GSS: variants seen among roughly 807,000 people sequenced by gnomAD.
GSS encodes the protein GSH synthetase.
In GSS, 34 loss-of-function variants were observed where a neutral mutation model predicts 60.4. The ratio of observed to expected loss-of-function variants is 0.56; its 90% CI spans 0.43 to 0.75. The LOEUF is 0.75. GSS is among the 30% of genes least tolerant of loss of function. The pLI is 0.00. For synonymous variants in GSS, 224 were observed against 239.0 expected (o/e 0.94, Z 0.58); for missense variants, 499 against 595.1 (o/e 0.84, Z 1.68).
intron 6 of GSS, 25 bp from the exon 7 acceptor site, chr20:34,937,048 G>A (rs41303799): frequency 7.9e-4 from 1,222 of 1,554,832 alleles, no homozygotes; most frequent in Non-Finnish European, 1.0e-3. Flanking sequence ...CAGGTGGCCC[G>A]AGGCTACTAT....
At chr20:34,935,770 T>TC (rs1405979058) in intron 8 of GSS, 128 bp from the exon 9 acceptor site, 1 of 718,216 alleles carries the variant, frequency 1.4e-6, no homozygotes, top group Admixed American at 2.0e-5. Context: ...GGGAGCCTGG[T>TC]CAGGGGTTCA....
Position 34,944,989 on chromosome 20 carries a change from T to C in GSS, c.275+964A>G, listed in dbSNP as rs868443427. On this transcript the variant is annotated intron_variant, in intron 3 of 12. Coordinates refer to ENST00000651619, the MANE Select transcript of GSS (RefSeq NM_000178.4). ...CATAATATTTCTAGATATTTAATTCTACAATGAATATATATACATATATAT... is the reference window on the plus strand; with the variant it reads ...CATAATATTTCTAGATATTTAATTCCACAATGAATATATATACATATATAT... Among the ~76,000 whole-genome samples the C allele has an allele frequency of 9.2e-5, 14 of 152,038 alleles. 1 individual carries two copies. Among genetic ancestry groups the C allele is most frequent in the African/African-American group, 3.1e-4 (13 of 41,500 alleles).
intron 6 of GSS, among the ~76,000 whole-genome samples, chr20:34,937,836 G>C (rs1490919983): frequency 6.6e-6 from 1 of 152,088 alleles, no homozygotes. Flanking sequence ...GTACCAAACT[G>C]CATTTTTTTT....
intron 6 of GSS, among the ~76,000 whole-genome samples, chr20:34,940,674 C>T (rs888662829): frequency 2.0e-5 from 3 of 152,166 alleles, no homozygotes; most frequent in African/African-American, 7.2e-5. Context: ...GAGCTTAGCA[C>T]AAGGTGTAGC....
At chr20:34,947,821 C>A (rs754797450) in intron 2 of GSS, among the ~76,000 whole-genome samples, 3 of 151,902 alleles carry the variant, frequency 2.0e-5, no homozygotes, top group Non-Finnish European at 4.4e-5. Context: ...CTAGAATATA[C>A]ATTCTAGATA....
rs1489344755 is a variant in GSS at position 34,946,049 on chromosome 20, G to A, written c.179C>T (p.Ala60Val). The A allele has an allele frequency of 5.0e-6, 8 of 1,613,024 alleles. No individual in the cohort carries two copies. The highest frequency in any genetic ancestry group is 5.9e-6 in the Non-Finnish European group (7 of 1,178,964). ...FTLFPSLVPS[A>V]LLEQAYAVQM... ...CACAGCATAGGCTTGCTCCAGCAGGGCACTGGGGACCAGTGAGGGGAAGAG... is the reference window on the plus strand; with the variant it reads ...CACAGCATAGGCTTGCTCCAGCAGGACACTGGGGACCAGTGAGGGGAAGAG... The change falls in exon 3 of 13, where the codon GCC becomes GTC. Residue 60 changes from alanine to valine, a missense_variant. By Grantham distance (64) the Ala-to-Val change is moderately conservative. Coordinates refer to ENST00000651619, the MANE Select transcript of GSS (RefSeq NM_000178.4).
At chr20:34,942,289 G>A (rs1226969272) in intron 5 of GSS, among the ~76,000 whole-genome samples, 199 bp downstream of exon 5, 4 of 152,156 alleles carry the variant, frequency 2.6e-5, no homozygotes, top group Non-Finnish European at 5.9e-5. Flanking sequence ...GACTAGATGA[G>A]CTATGAGGTC....
chr20:34,939,632 C>T (rs1008146291), intron 6 of GSS, among the ~76,000 whole-genome samples: 1 of 151,232 alleles, frequency 6.6e-6, no homozygotes, highest in African/African-American at 2.4e-5. Context: ...TAATACTTGT[C>T]AAATGATAGC....
chr20:34,938,104 C>T (rs530420959), intron 6 of GSS, among the ~76,000 whole-genome samples: 2 of 152,182 alleles, frequency 1.3e-5, no homozygotes, highest in East Asian at 1.9e-4. Flanking sequence ...GTGATCTGCC[C>T]GCCTCGGCCT....
At chr20:34,937,472 G>A (rs2081449216) in intron 6 of GSS, among the ~76,000 whole-genome samples, 1 of 152,132 alleles carries the variant, frequency 6.6e-6, no homozygotes, top group African/African-American at 2.4e-5. Flanking sequence ...GGGGCTAATG[G>A]CTCTATTACT....
chr20:34,935,223 G>T (rs1472370724), intron 9 of GSS, among the ~76,000 whole-genome samples: 1 of 152,200 alleles, frequency 6.6e-6, no homozygotes, highest in Non-Finnish European at 1.5e-5. Flanking sequence ...TTCTGATTCA[G>T]ATAAAGGAAA....
At chr20:34,938,998 T>TA (rs2081462845) in intron 6 of GSS, among the ~76,000 whole-genome samples, 1 of 152,178 alleles carries the variant, frequency 6.6e-6, no homozygotes, top group Non-Finnish European at 1.5e-5. Flanking sequence ...CCCAGCACTT[T>TA]AAGAGGCCGA....
intron 4 of GSS, 25 bp from the exon 5 acceptor site, chr20:34,942,652 A>G: frequency 3.7e-6 from 6 of 1,613,120 alleles, no homozygotes; most frequent in Non-Finnish European, 5.1e-6. Context: ...GAAGGCTGAC[A>G]GTACCTGCCC....
Position 34,928,804 on chromosome 20 carries a change from A to C in GSS, c.*24T>G. On this transcript the variant is annotated 3_prime_UTR_variant, in exon 13 of 13. Coordinates refer to ENST00000651619, the MANE Select transcript of GSS (RefSeq NM_000178.4). The stretch of plus-strand genomic sequence containing the variant: ...AGGAATGACAAATACAGAGGATAGA[A>C]GGTCCCGTGGCCTGGTTGTGCCCTC... 1 of 1,613,858 alleles carries C rather than the reference A, an allele frequency of 6.2e-7. No individual in the cohort carries two copies. The highest frequency in any genetic ancestry group is 1.3e-5 in the African/African-American group (1 of 75,034).
chr20:34,948,523 T>C (rs1317783751), intron 2 of GSS, among the ~76,000 whole-genome samples: 1 of 152,136 alleles, frequency 6.6e-6, no homozygotes, highest in African/African-American at 2.4e-5. Context: ...CGGTGGCTCA[T>C]GCCTGTAATC....
At chr20:34,935,128 T>C (rs2081430997) in intron 9 of GSS, among the ~76,000 whole-genome samples, 1 of 152,114 alleles carries the variant, frequency 6.6e-6, no homozygotes, top group Admixed American at 6.5e-5. Context: ...AAATAATGGA[T>C]GTGGAAACTA....
At chr20:34,948,368 C>T (rs1288546596) in intron 2 of GSS, among the ~76,000 whole-genome samples, 1 of 152,192 alleles carries the variant, frequency 6.6e-6, no homozygotes, top group Non-Finnish European at 1.5e-5. Context: ...CCCTCTGCCT[C>T]TGTCCCAGGG....
intron 6 of GSS, among the ~76,000 whole-genome samples, chr20:34,940,005 C>T (rs2081470334): frequency 6.6e-6 from 1 of 152,120 alleles, no homozygotes; most frequent in South Asian, 2.1e-4. Flanking sequence ...TAATGATCCA[C>T]ACAGATTTTT....
Position 34,951,781 on chromosome 20 carries a change from G to A in GSS, c.72C>T (p.Asp24=). The change falls in exon 2 of 13, where the codon GAC becomes GAT. Residue 24 remains aspartate (D), a synonymous_variant. Coordinates refer to ENST00000651619, the MANE Select transcript of GSS (RefSeq NM_000178.4). Reference sequence around the variant, plus strand: ...GCAATACTCCCTCAGCCAGGGCCCGGTCCACGGCCTGCCGTGCCAGCTCCT... The same window carrying A: ...GCAATACTCCCTCAGCCAGGGCCCGATCCACGGCCTGCCGTGCCAGCTCCT... The part of the protein sequence containing the change: ...QLEELARQAV[D]RALAEGVLLR... 1 of 1,613,948 alleles carries A rather than the reference G, an allele frequency of 6.2e-7. No homozygotes were observed. The highest frequency in any genetic ancestry group is 1.6e-4 in the Middle Eastern group (1 of 6,062).
Sources: gnomAD v4.1 joint callset for allele counts (sites outside exome capture counted in the v4.1 genomes callset) on GRCh38, gnomAD v4.1.1 for gene constraint, MANE v1.5 for transcripts, NCBI Gene and HGNC (gene_info 2026-07-23, HGNC 2026-07-21) for gene names.